The following NTM variants were observed in gnomAD, a reference collection of about 807,000 sequenced individuals.
NTM encodes the protein neurotrimin, also known as IgLON family member 2.
Under a neutral mutation model 42.1 loss-of-function variants are expected in NTM, and 13 were observed. The ratio of observed to expected loss-of-function variants is 0.31; its 90% confidence interval spans 0.20 to 0.49. The LOEUF (loss-of-function observed/expected upper bound fraction) is 0.49. Ranked by LOEUF, NTM falls within the 20% of genes least tolerant of loss-of-function variation. NTM has a pLI of 0.99. For missense variants in NTM, 373 were observed against 452.8 expected, an observed-to-expected ratio of 0.82 and a Z score of 1.60; for synonymous variants, 187 against 179.2, an observed-to-expected ratio of 1.04 and a Z score of -0.35.
At chr11:131,391,613 A>T in intron 1 of NTM, among the ~76,000 whole-genome samples, 1 of 133,254 alleles carries the variant, frequency 7.5e-6, no homozygotes, top group African/African-American at 2.7e-5. Flanking sequence ...ATCACCAGGA[A>T]TTTGAAATCA....
chr11:132,081,177 G>A (rs1029176505), intron 2 of NTM, among the ~76,000 whole-genome samples: 1 of 152,202 alleles, frequency 6.6e-6, no homozygotes, highest in Non-Finnish European at 1.5e-5. Flanking sequence ...AGCTGCATAG[G>A]AATTAGACTG....
intron 4 of NTM, among the ~76,000 whole-genome samples, chr11:132,249,724 C>T (rs539014447): frequency 1.1e-4 from 16 of 152,334 alleles, no homozygotes; most frequent in African/African-American, 3.4e-4. Context: ...TGATCTCTCA[C>T]CCTGATGTGG....
intron 1 of NTM, among the ~76,000 whole-genome samples, chr11:131,797,636 A>C (rs2136201061): frequency 6.6e-6 from 1 of 152,332 alleles, no homozygotes; most frequent in African/African-American, 2.4e-5. Context: ...TGGTAATGGT[A>C]ATGTGTATAA....
chr11:131,481,030 A>G (rs1010301789), intron 1 of NTM, among the ~76,000 whole-genome samples: 1 of 152,192 alleles, frequency 6.6e-6, no homozygotes, highest in African/African-American at 2.4e-5. Context: ...GTGTATTTCT[A>G]GACCGATGAC....
At chr11:132,199,873 G>A (rs977311600) in intron 3 of NTM, among the ~76,000 whole-genome samples, 17 of 151,816 alleles carry the variant, frequency 1.1e-4, no homozygotes, top group Non-Finnish European at 1.3e-4. Context: ...CTCCAATCTC[G>A]GGGGGAGATA....
chr11:132,317,725 CTTCCCTCT>C (rs2095468400), intron 7 of NTM: 1 of 1,273,816 alleles, frequency 7.9e-7, no homozygotes, highest in South Asian at 1.2e-5. Context: ...TTTGTCTCCC[CTTCCCTCT>C]ATCCCAGAGG....
intron 1 of NTM, among the ~76,000 whole-genome samples, chr11:131,673,656 C>T (rs768307425): frequency 1.3e-5 from 2 of 152,180 alleles, no homozygotes; most frequent in Non-Finnish European, 2.9e-5. Context: ...TTCCATCCCT[C>T]ACTGGGAGCA....
chr11:131,585,006 G>T (rs944776841), intron 1 of NTM, among the ~76,000 whole-genome samples: 4 of 151,368 alleles, frequency 2.6e-5, no homozygotes, highest in Non-Finnish European at 4.4e-5. Flanking sequence ...GGTGCAGTGG[G>T]GGGGAAGCTG....
intron 1 of NTM, among the ~76,000 whole-genome samples, chr11:131,506,910 T>C (rs945593807): frequency 6.6e-6 from 1 of 152,192 alleles, no homozygotes; most frequent in African/African-American, 2.4e-5. Flanking sequence ...GAAAATGCAA[T>C]ACAGCCCATC....
At chr11:132,174,514 AG>A (rs2076524767) in intron 3 of NTM, among the ~76,000 whole-genome samples, 1 of 152,192 alleles carries the variant, frequency 6.6e-6, no homozygotes, top group African/African-American at 2.4e-5. Flanking sequence ...ATGCTGGGTG[AG>A]GAGCGGACTA....
intron 2 of NTM, among the ~76,000 whole-genome samples, chr11:131,949,616 G>C (rs546238952): frequency 1.3e-5 from 2 of 152,276 alleles, no homozygotes; most frequent in South Asian, 2.1e-4. Flanking sequence ...GGTCCACCTT[G>C]AGTACTGGCC....
Position 131,677,616 on chromosome 11 carries a change from C to A in NTM, c.83-233948C>A, listed in dbSNP as rs566518040. On this transcript the variant is annotated intron_variant, in intron 1 of 8. Transcript: ENST00000683400. ...CCAAAGCCTCTGGTACCAGCAATGT[C>A]CATGGCTTATTGAGCATTTACTGAG... Among the ~76,000 whole-genome samples the A allele has an allele frequency of 3.3e-5, 5 of 152,308 alleles. No homozygotes were observed. In the South Asian group the frequency reaches 1.0e-3, roughly 32 times the overall value.
chr11:131,675,669 C>T (rs1441322462), intron 1 of NTM, among the ~76,000 whole-genome samples: 1 of 152,156 alleles, frequency 6.6e-6, no homozygotes, highest in Non-Finnish European at 1.5e-5. Flanking sequence ...GACTCCAAAG[C>T]TTGTACATTT....
intron 6 of NTM, chr11:132,312,530 G>GA (rs2136122234): frequency 6.5e-6 from 1 of 154,788 alleles, no homozygotes; most frequent in Admixed American, 6.5e-5. Context: ...CCCGCACAGA[G>GA]AAGGGGAAAG....
intron 2 of NTM, among the ~76,000 whole-genome samples, chr11:132,015,699 T>G (rs1195224482): frequency 1.3e-5 from 2 of 150,232 alleles, no homozygotes; most frequent in Non-Finnish European, 3.0e-5. Context: ...GATTGTTTTC[T>G]TGATTTCATT....
At chr11:131,741,262 C>G (rs888160157) in intron 1 of NTM, among the ~76,000 whole-genome samples, 4 of 151,816 alleles carry the variant, frequency 2.6e-5, no homozygotes, top group Non-Finnish European at 5.9e-5. Flanking sequence ...GGGGCGGTAG[C>G]CTACCCAGAA....
intron 3 of NTM, among the ~76,000 whole-genome samples, chr11:132,152,101 C>T (rs2072060953): frequency 6.6e-6 from 1 of 152,212 alleles, no homozygotes; most frequent in Admixed American, 6.5e-5. Flanking sequence ...AGAGACCCCT[C>T]CCCACTCTGA....
intron 1 of NTM, among the ~76,000 whole-genome samples, chr11:131,490,494 C>T (rs1272993768): frequency 6.6e-6 from 1 of 152,214 alleles, no homozygotes; most frequent in Non-Finnish European, 1.5e-5. Context: ...CCCAATGCTG[C>T]TCCACATGGT....
intron 2 of NTM, among the ~76,000 whole-genome samples, chr11:131,920,244 G>T (rs1443078775): frequency 6.6e-6 from 1 of 152,186 alleles, no homozygotes; most frequent in Non-Finnish European, 1.5e-5. Context: ...GGGATAACAT[G>T]TGTTGGGGAA....
Sources: gnomAD v4.1 joint callset for allele counts (sites outside exome capture counted in the v4.1 genomes callset) on GRCh38, gnomAD v4.1.1 for gene constraint, MANE v1.5 for transcripts, NCBI Gene and HGNC (gene_info 2026-07-23, HGNC 2026-07-21) for gene names.